CRTC1: variants seen among roughly 807,000 people sequenced by gnomAD.
The protein encoded by CRTC1 is CREB-regulated transcription coactivator 1.
In CRTC1, 18 loss-of-function variants were observed where a neutral mutation model predicts 66.1. The ratio of observed to expected loss-of-function variants is 0.27; its 90% CI spans 0.19 to 0.40. The LOEUF is 0.40. CRTC1 is among the 10% of genes least tolerant of loss of function. CRTC1 has a pLI of 1.00. For synonymous variants in CRTC1, 416 were observed against 398.8 expected (o/e 1.04, Z -0.51); for missense variants, 669 against 887.9 (o/e 0.75, Z 3.13).
At chr19:18,766,305 T>C (rs1299517972) in intron 9 of CRTC1, among the ~76,000 whole-genome samples, 1 of 149,274 alleles carries the variant, frequency 6.7e-6, no homozygotes, top group African/African-American at 2.5e-5. Flanking sequence ...TTTTTTTTTT[T>C]TTTTGGTATT....
At chr19:18,774,652 G>T (rs577745919) in intron 11 of CRTC1, among the ~76,000 whole-genome samples, 6 of 152,188 alleles carry the variant, frequency 3.9e-5, no homozygotes, top group Non-Finnish European at 7.4e-5. Flanking sequence ...CAGGCTTGAG[G>T]AGAGGAGATG....
chr19:18,717,187 TTGAG>T (rs1451880551), intron 1 of CRTC1, among the ~76,000 whole-genome samples: 5 of 151,848 alleles, frequency 3.3e-5, no homozygotes, highest in African/African-American at 4.8e-5. Flanking sequence ...TTGGGGAGCT[TTGAG>T]TGAGGGGTGA....
Position 18,760,246 on chromosome 19 carries a change from C to A in CRTC1, c.886+18C>A, listed in dbSNP as rs139988956. 1.3e-6 allele frequency: 2 copies of A among 1,554,378 alleles called. No individual in the cohort carries two copies. Among genetic ancestry groups the A allele is most frequent in the Admixed American group, 3.8e-5 (2 of 52,520 alleles). On this transcript the variant is annotated intron_variant, in intron 8 of 13. Coordinates refer to ENST00000321949, the MANE Select transcript of CRTC1 (RefSeq NM_015321.3). This position sits in a 1 kb window ranked among gnomAD's most constrained non-coding sequence, Gnocchi z 6.2. ...CGGCCAGGGTAAGGCAGGGACACTC[C>A]GCCCTCGGACAGAGCACTGGCTTGT...
chr19:18,719,504 A>T (rs897948130), intron 1 of CRTC1, among the ~76,000 whole-genome samples: 1 of 152,242 alleles, frequency 6.6e-6, no homozygotes. Flanking sequence ...ATGTAACTCC[A>T]TAGTCAAGCT....
chr19:18,778,065 C>T lies in CRTC1; in HGVS notation c.*683C>T. The T allele has an allele frequency of 4.3e-6, 1 of 233,476 alleles. No homozygotes were observed. Among genetic ancestry groups the T allele is most frequent in the Non-Finnish European group, 8.5e-6 (1 of 118,208 alleles). The allele number at this position is 233,476 out of a possible 1,614,324, so 14.5% of individuals were successfully genotyped here. A position where few individuals can be genotyped will look rare whatever the true frequency, so the allele number is the denominator to read the frequency against. On this transcript the variant is annotated 3_prime_UTR_variant, in exon 14 of 14. Coordinates refer to ENST00000321949, the MANE Select transcript of CRTC1 (RefSeq NM_015321.3). ...CCCCACGACCCTCCTCGCCCTGTCTCCATCCCCTCGAAGCCCTGCCTCACC... is the reference window on the plus strand; with the variant it reads ...CCCCACGACCCTCCTCGCCCTGTCTTCATCCCCTCGAAGCCCTGCCTCACC...
At chr19:18,759,615 C>T (rs781349008) in intron 7 of CRTC1, 24 bp downstream of exon 7, 120 of 1,611,480 alleles carry the variant, frequency 7.4e-5, no homozygotes, top group Middle Eastern at 3.3e-4. Context: ...GGGCCCACCC[C>T]GCACACTGCA....
intron 1 of CRTC1, among the ~76,000 whole-genome samples, chr19:18,707,342 G>T (rs749540709): frequency 6.6e-6 from 1 of 152,290 alleles, no homozygotes; most frequent in East Asian, 1.9e-4. Flanking sequence ...TTCCAGAGCC[G>T]TTTTGTTGAA....
chr19:18,703,084 G>A (rs1781012710), intron 1 of CRTC1, among the ~76,000 whole-genome samples: 1 of 151,852 alleles, frequency 6.6e-6, no homozygotes, highest in Non-Finnish European at 1.5e-5. Flanking sequence ...CTGGGTTCAC[G>A]CCATTCTCCT....
intron 3 of CRTC1, among the ~76,000 whole-genome samples, chr19:18,746,526 G>T (rs529651781): frequency 6.8e-6 from 1 of 147,916 alleles, no homozygotes; most frequent in Non-Finnish European, 1.5e-5. Flanking sequence ...AGCCAGCCGG[G>T]CCCCACAACA....
intron 2 of CRTC1, among the ~76,000 whole-genome samples, chr19:18,744,592 T>C (rs77534803): frequency 0.02 from 2,992 of 152,276 alleles, 44 homozygotes; most frequent in Non-Finnish European, 0.028. Flanking sequence ...AGCCCCCGCT[T>C]CATTCTGCCT....
At chr19:18,718,481 T>A (rs1341836635) in intron 1 of CRTC1, among the ~76,000 whole-genome samples, 5 of 151,248 alleles carry the variant, frequency 3.3e-5, no homozygotes, top group Non-Finnish European at 7.4e-5. Flanking sequence ...AAATTATTGG[T>A]GTGCACCACC....
At chr19:18,753,655 G>A in intron 6 of CRTC1, 70 bp downstream of exon 6, 1 of 1,189,740 alleles carries the variant, frequency 8.4e-7, no homozygotes, top group Non-Finnish European at 1.2e-6. Flanking sequence ...GGGCAAAGGT[G>A]ACAAAATGGC....
chr19:18,708,983 G>C (rs2053329193), intron 1 of CRTC1, among the ~76,000 whole-genome samples: 1 of 152,228 alleles, frequency 6.6e-6, no homozygotes, highest in East Asian at 1.9e-4. Context: ...TCTAGGCCCG[G>C]GAGGAAGGCT....
chr19:18,715,673 T>G (rs1178446135), intron 1 of CRTC1, among the ~76,000 whole-genome samples: 1 of 152,216 alleles, frequency 6.6e-6, no homozygotes, highest in African/African-American at 2.4e-5. Context: ...TTCCCCTGCT[T>G]CTCAGTGTGT....
chr19:18,741,861 C>T lies in CRTC1; in HGVS notation c.127-1049C>T, dbSNP rs181399072. Among the ~76,000 whole-genome samples the T allele has an allele frequency of 2.6e-4, 39 of 152,280 alleles. No individual in the cohort carries two copies. In the South Asian group the frequency reaches 5.4e-3, roughly 21 times the overall value. ...AGTTCCCGGGCTTTACTTCCGCCTCCGGTGTCCAGGGCCCCCTAGGAAGCT... is the reference window on the plus strand; with the variant it reads ...AGTTCCCGGGCTTTACTTCCGCCTCTGGTGTCCAGGGCCCCCTAGGAAGCT... On this transcript the variant is annotated intron_variant, in intron 1 of 13. Transcript: ENST00000321949. This position sits in a 1 kb window ranked among gnomAD's most constrained non-coding sequence, Gnocchi z 4.2.
intron 1 of CRTC1, among the ~76,000 whole-genome samples, chr19:18,731,332 C>A (rs2053883772): frequency 6.6e-6 from 1 of 152,164 alleles, no homozygotes; most frequent in South Asian, 2.1e-4. Context: ...GCCCAGCGAT[C>A]CTCGGCAGGC....
chr19:18,699,870 A>G (rs912151989), intron 1 of CRTC1, among the ~76,000 whole-genome samples: 1 of 152,086 alleles, frequency 6.6e-6, no homozygotes, highest in East Asian at 1.9e-4. Context: ...GGGAGGAACG[A>G]GTAGGGAGCA....
At chr19:18,689,564 CATATAT>C (rs10616884) in intron 1 of CRTC1, among the ~76,000 whole-genome samples, 5,266 of 38,290 alleles carry the variant, frequency 0.14, 529 homozygotes, top group African/African-American at 0.15. Flanking sequence ...AATTGATGGC[CATATAT>C]ATATATATAT....
intron 1 of CRTC1, among the ~76,000 whole-genome samples, chr19:18,737,739 GCTCCTCCTCCTC>G (rs760680059): frequency 2.0e-5 from 3 of 149,844 alleles, no homozygotes; most frequent in South Asian, 4.3e-4. Flanking sequence ...TCCTGCTGCT[GCTCCTCCTCCTC>G]CTCCTCCTCC....
Sources: gnomAD v4.1 joint callset for allele counts (sites outside exome capture counted in the v4.1 genomes callset) on GRCh38, gnomAD v4.1.1 for gene constraint, Gnocchi (gnomAD v3.1) non-coding constraint, MANE v1.5 for transcripts, NCBI Gene and HGNC (gene_info 2026-07-23, HGNC 2026-07-21) for gene names.